Variants in PHACTR1 observed in about 807,000 individuals in gnomAD.
PHACTR1 encodes the protein RPEL repeat containing 1.
In PHACTR1, 16 loss-of-function variants were observed where a neutral mutation model predicts 69.2. That is an observed-to-expected ratio of 0.23 (90% CI 0.16 to 0.35). The LOEUF is 0.35. Among genes scored for constraint, PHACTR1 ranks in the 10% least tolerant of loss-of-function variants. PHACTR1 has a pLI of 1.00. For synonymous variants in PHACTR1, 312 were observed against 284.5 expected, an observed-to-expected ratio of 1.10 and a Z score of -0.97; for missense variants, 510 against 734.7, an observed-to-expected ratio of 0.69 and a Z score of 3.54.
rs1326470732 is a variant in PHACTR1 at position 13,272,681 on chromosome 6, C to T, written c.1392-179C>T. Reference sequence around the variant, plus strand: ...CTGTGACATGACGCACGTGCCTCTCCTGGGCTTGAAATTGAGGAACTGAGG... The same window carrying T: ...CTGTGACATGACGCACGTGCCTCTCTTGGGCTTGAAATTGAGGAACTGAGG... On this transcript the variant is annotated intron_variant, in intron 10 of 14. Transcript: ENST00000332995. 9.2e-6 allele frequency: 14 copies of T among 1,527,736 alleles called. No homozygotes were observed. The South Asian group carries it at 1.6e-4, about 18-fold the overall frequency. 94.6% of individuals were successfully genotyped at this position (1,527,736 alleles called of 1,614,324 possible).
At chr6:12,825,591 T>G (rs1305768068) in intron 4 of PHACTR1, among the ~76,000 whole-genome samples, 5 of 152,192 alleles carry the variant, frequency 3.3e-5, no homozygotes, top group Admixed American at 3.3e-4. Context: ...ATTCTGGTTT[T>G]TATGTTTGGA....
chr6:13,158,167 C>T (rs1245496797), intron 5 of PHACTR1, among the ~76,000 whole-genome samples: 1 of 152,064 alleles, frequency 6.6e-6, no homozygotes, highest in African/African-American at 2.4e-5. Flanking sequence ...TAGGTGTGAA[C>T]CCCCGCGCCC....
intron 3 of PHACTR1, among the ~76,000 whole-genome samples, chr6:12,726,157 C>T (rs1214484294): frequency 6.6e-6 from 1 of 152,216 alleles, no homozygotes; most frequent in African/African-American, 2.4e-5. Flanking sequence ...TAAGAATATA[C>T]AGCAGGGAAA....
chr6:12,871,459 C>G (rs1321800287), intron 4 of PHACTR1, among the ~76,000 whole-genome samples: 5 of 151,988 alleles, frequency 3.3e-5, no homozygotes, highest in South Asian at 2.1e-4. Flanking sequence ...TGAGAGTTCC[C>G]CCTTTGATTA....
At chr6:12,932,771 C>T (rs1343152030) in intron 4 of PHACTR1, among the ~76,000 whole-genome samples, 1 of 152,136 alleles carries the variant, frequency 6.6e-6, no homozygotes, top group Non-Finnish European at 1.5e-5. Flanking sequence ...GAAGCTGCTA[C>T]TTTACCCCAT....
chr6:13,099,826 GAAAC>G (rs563211164), intron 5 of PHACTR1, among the ~76,000 whole-genome samples: 6 of 152,054 alleles, frequency 3.9e-5, no homozygotes, highest in South Asian at 4.1e-4. Flanking sequence ...TTTAAATTGA[GAAAC>G]AAACAAGACA....
At chr6:13,069,800 C>T (rs1325163392) in intron 5 of PHACTR1, among the ~76,000 whole-genome samples, 1 of 152,164 alleles carries the variant, frequency 6.6e-6, no homozygotes, top group Non-Finnish European at 1.5e-5. Flanking sequence ...CTTTCCATGC[C>T]TTATGGACTT....
chr6:13,092,856 T>G (rs1442470789), intron 5 of PHACTR1, among the ~76,000 whole-genome samples: 2 of 152,256 alleles, frequency 1.3e-5, no homozygotes, highest in Non-Finnish European at 2.9e-5. Context: ...TGATGCTTTT[T>G]GCCTTCACTG....
At chr6:13,032,325 A>G (rs1471441929) in intron 4 of PHACTR1, among the ~76,000 whole-genome samples, 7 of 152,210 alleles carry the variant, frequency 4.6e-5, no homozygotes, top group African/African-American at 1.7e-4. Context: ...GTCTGTTTAT[A>G]TGTAATAATG....
intron 4 of PHACTR1, among the ~76,000 whole-genome samples, chr6:12,966,955 A>G (rs982487822): frequency 6.6e-6 from 1 of 152,164 alleles, no homozygotes; most frequent in African/African-American, 2.4e-5. Flanking sequence ...TATGGTCCTC[A>G]TTTTACATTT....
intron 4 of PHACTR1, among the ~76,000 whole-genome samples, chr6:13,011,397 A>T (rs1301558599): frequency 6.6e-6 from 1 of 152,262 alleles, no homozygotes; most frequent in Non-Finnish European, 1.5e-5. Context: ...CAGTTCAGAA[A>T]GATGGATCCT....
chr6:13,145,290 C>T (rs1259684226), intron 5 of PHACTR1, among the ~76,000 whole-genome samples: 2 of 152,124 alleles, frequency 1.3e-5, no homozygotes, highest in Non-Finnish European at 2.9e-5. Flanking sequence ...TATATGTATA[C>T]AAGAAGAAAG....
intron 10 of PHACTR1, among the ~76,000 whole-genome samples, chr6:13,250,905 G>A (rs567973468): frequency 5.6e-4 from 86 of 152,324 alleles, no homozygotes; most frequent in Middle Eastern, 3.4e-3. Flanking sequence ...TTGCAAAACC[G>A]TGGAATATGC....
At chr6:13,028,490 A>G (rs1163569469) in intron 4 of PHACTR1, among the ~76,000 whole-genome samples, 1 of 152,198 alleles carries the variant, frequency 6.6e-6, no homozygotes, top group Non-Finnish European at 1.5e-5. Context: ...TCTTTTCCAT[A>G]GCAGGCAGTA....
intron 3 of PHACTR1, among the ~76,000 whole-genome samples, chr6:12,731,640 T>C (rs1169639238): frequency 6.6e-6 from 1 of 152,222 alleles, no homozygotes; most frequent in Non-Finnish European, 1.5e-5. Flanking sequence ...AGGAAATTTA[T>C]TGGGCACATG....
intron 4 of PHACTR1, among the ~76,000 whole-genome samples, chr6:12,757,635 A>G (rs1767488943): frequency 6.6e-6 from 1 of 152,156 alleles, no homozygotes. Context: ...TACAGCCAGT[A>G]TGCGTTCATG....
intron 5 of PHACTR1, among the ~76,000 whole-genome samples, chr6:13,131,291 T>G (rs1278773948): frequency 1.3e-5 from 2 of 151,412 alleles, no homozygotes; most frequent in African/African-American, 4.9e-5. Flanking sequence ...ATAATGGCAT[T>G]CACAATTACC....
intron 7 of PHACTR1, chr6:13,185,106 G>C (rs933820984): frequency 1.1e-6 from 1 of 948,020 alleles, no homozygotes; most frequent in African/African-American, 1.7e-5. Flanking sequence ...CAGCTCTCTG[G>C]GGAGGTTGCC....
chr6:12,775,145 T>A (rs1769891036), intron 4 of PHACTR1, among the ~76,000 whole-genome samples: 1 of 151,342 alleles, frequency 6.6e-6, no homozygotes. Flanking sequence ...TCTCCCTTCA[T>A]CTTTTTGACA....
Sources: gnomAD v4.1 joint callset for allele counts (sites outside exome capture counted in the v4.1 genomes callset) on GRCh38, gnomAD v4.1.1 for gene constraint, MANE v1.5 for transcripts, NCBI Gene and HGNC (gene_info 2026-07-23, HGNC 2026-07-21) for gene names.